MYOM2: variants seen among roughly 807,000 people sequenced by gnomAD.
The protein encoded by MYOM2 is myomesin-2.
In MYOM2, 254 loss-of-function variants were observed where a neutral mutation model predicts 187.6. The observed-to-expected ratio is 1.35, with a 90% CI of 1.22 to 1.50. The LOEUF (loss-of-function observed/expected upper bound fraction) is 1.50. Among genes scored for constraint, MYOM2 ranks in the 40% most tolerant of loss-of-function variants. MYOM2 has a pLI of 0.00. For missense variants in MYOM2, 2,796 were observed against 1,924.0 expected (o/e 1.45, Z -8.48); for synonymous variants, 981 against 753.8 (o/e 1.30, Z -4.94).
intron 8 of MYOM2, among the ~76,000 whole-genome samples, chr8:2,071,551 T>C (rs1482232457): frequency 6.6e-6 from 1 of 152,198 alleles, no homozygotes; most frequent in African/African-American, 2.4e-5. Flanking sequence ...TCCATGTGAC[T>C]TGCCAGAAGC....
At chr8:2,092,284 C>T (rs558891308) in intron 15 of MYOM2, 62 bp from the exon 16 acceptor site, 2 of 1,557,240 alleles carry the variant, frequency 1.3e-6, no homozygotes, top group African/African-American at 2.7e-5. Context: ...GCCGGAAGAT[C>T]TCTGCTGTAG....
chr8:2,112,544 A>T (rs925942281), intron 25 of MYOM2, among the ~76,000 whole-genome samples: 1 of 152,082 alleles, frequency 6.6e-6, no homozygotes, highest in African/African-American at 2.4e-5. Context: ...GAGTGATCTT[A>T]GGAAATAGTG....
intron 31 of MYOM2, chr8:2,127,671 C>T (rs1797700339): frequency 7.1e-6 from 1 of 141,762 alleles, no homozygotes; most frequent in African/African-American, 2.7e-5. Context: ...CGGCGTGACG[C>T]GGTGACGCAG....
At chr8:2,117,853 TTA>T in intron 27 of MYOM2, 30 bp from the exon 28 acceptor site, 2 of 1,563,416 alleles carry the variant, frequency 1.3e-6, no homozygotes, top group Non-Finnish European at 1.7e-6. Context: ...TTTTCCTTTT[TTA>T]TATGTTTTCT....
At chr8:2,085,571 C>CCT (rs1294035231) in intron 14 of MYOM2, among the ~76,000 whole-genome samples, 181 bp downstream of exon 14, 2 of 32,512 alleles carry the variant, frequency 6.2e-5, no homozygotes, top group Non-Finnish European at 1.1e-4. Flanking sequence ...TGCGTGGCCC[C>CCT]ACTGTTGTGA....
In MYOM2 at chr8:2,073,499, A is replaced by C. The variant is rs548306718; in HGVS notation, c.1119A>C (p.Arg373Ser). ...ACCACAGCGCCTTCCTGTTTGTCAG[A>C]GGTGCGGGCAGCAGGGTTCTCAGGG... ...VSDHSAFLFV[R>S]DADPLVTGAP... The change falls in exon 10 of 37, where the codon AGA becomes AGC. Residue 373 changes from arginine (R) to serine (S), a missense_variant and splice_region_variant. By Grantham distance (110) the Arg-to-Ser change is moderately radical. Coordinates refer to ENST00000262113, the MANE Select transcript of MYOM2 (RefSeq NM_003970.4). 41 of 1,599,038 alleles carry C rather than the reference A, an allele frequency of 2.6e-5. No individual in the cohort carries two copies. The East Asian group carries it at 8.7e-4, about 34-fold the overall frequency.
rs796645305 is a variant in MYOM2, at chr8:2,085,611, T to C, written c.1644+221T>C. Among the ~76,000 whole-genome samples, 59 of 6,458 alleles carry C rather than the reference T, an allele frequency of 9.1e-3. 18 individuals are homozygous for C. Among genetic ancestry groups the C allele is most frequent in the Middle Eastern group, 0.1 (1 of 10 alleles). The allele number at this position is 6,458 out of a possible 152,430, so 4.2% of individuals were successfully genotyped here. ...TGCGTGGCCCCACTGTCGTGATCTC[T>C]GCGTGGCCCCCCACAGTCGTGATCT... On this transcript the variant is annotated intron_variant, in intron 14 of 36. Coordinates refer to ENST00000262113, the MANE Select transcript of MYOM2 (RefSeq NM_003970.4).
In MYOM2 at chr8:2,069,234, A is replaced by T. The variant is rs200572211; in HGVS notation, c.654-44A>T. ...TGTGCAATTCGGGTCACTGACTTTTACACAACAGTCCCGCAGACTTTCTCT... is the reference window on the plus strand; with the variant it reads ...TGTGCAATTCGGGTCACTGACTTTTTCACAACAGTCCCGCAGACTTTCTCT... On this transcript the variant is annotated intron_variant, in intron 6 of 36. Transcript: ENST00000262113. 3.8e-6 allele frequency: 6 copies of T among 1,574,270 alleles called. No homozygotes were observed. In the East Asian group the frequency reaches 1.1e-4, roughly 30 times the overall value.
intron 16 of MYOM2, among the ~76,000 whole-genome samples, chr8:2,093,021 C>T (rs995891360): frequency 6.6e-6 from 1 of 152,068 alleles, no homozygotes; most frequent in African/African-American, 2.4e-5. Context: ...GTGACCCTGC[C>T]TTTGGAGAGA....
intron 23 of MYOM2, 85 bp downstream of exon 23, chr8:2,106,682 C>A: frequency 2.9e-6 from 3 of 1,022,838 alleles, no homozygotes; most frequent in Non-Finnish European, 4.1e-6. Flanking sequence ...GACTTACTTG[C>A]TTAGAAAAAA....
chr8:2,112,610 C>T (rs1251555649), intron 25 of MYOM2, among the ~76,000 whole-genome samples: 1 of 152,018 alleles, frequency 6.6e-6, no homozygotes, highest in Non-Finnish European at 1.5e-5. Context: ...GGCAGAAGAA[C>T]TTAGAAACAA....
At chr8:2,123,750 G>C in intron 30 of MYOM2, 108 bp downstream of exon 30, 1 of 934,516 alleles carries the variant, frequency 1.1e-6, no homozygotes, top group Non-Finnish European at 1.7e-6. Context: ...AGCACACATT[G>C]TGTCTTTAGC....
chr8:2,074,915 C>G (rs1339072417), intron 10 of MYOM2, among the ~76,000 whole-genome samples: 9 of 152,354 alleles, frequency 5.9e-5, no homozygotes, highest in African/African-American at 2.2e-4. Context: ...GCTGCTGCTG[C>G]TCTCCGGGTC....
intron 11 of MYOM2, among the ~76,000 whole-genome samples, chr8:2,077,136 C>A (rs1819453611): frequency 6.6e-6 from 1 of 151,958 alleles, no homozygotes. Flanking sequence ...ATGGTGAAAC[C>A]CTGTCTCTAC....
At chr8:2,122,490 T>C (rs1021295538) in intron 28 of MYOM2, among the ~76,000 whole-genome samples, 4 of 152,236 alleles carry the variant, frequency 2.6e-5, no homozygotes, top group African/African-American at 9.6e-5. Flanking sequence ...TTCTAAGCTG[T>C]GTTGCACTGT....
At chr8:2,050,479 G>A (rs930902012) in intron 1 of MYOM2, among the ~76,000 whole-genome samples, 8 of 152,178 alleles carry the variant, frequency 5.3e-5, no homozygotes, top group African/African-American at 1.9e-4. Context: ...AGGGGTTCTA[G>A]GAATACTTGT....
chr8:2,141,905 G>A (rs1351063688), intron 34 of MYOM2, among the ~76,000 whole-genome samples: 2 of 152,146 alleles, frequency 1.3e-5, no homozygotes, highest in East Asian at 3.9e-4. Flanking sequence ...ACAATTCGGG[G>A]TTTTCAAATG....
In MYOM2 at chr8:2,078,657, A is replaced by G. The variant is rs564167121; in HGVS notation, c.1263-77A>G. The G allele has an allele frequency of 2.0e-4, 261 of 1,295,504 alleles. 2 individuals are homozygous for G. In the South Asian group the frequency reaches 3.1e-3, roughly 15 times the overall value. The allele number at this position is 1,295,504 out of a possible 1,614,324, so 80.3% of individuals were successfully genotyped here. The stretch of plus-strand genomic sequence containing the variant: ...GTCCTGTTATAATCAGTGTGTGCAT[A>G]TATGCATATACCTATGTATATTTAG... On this transcript the variant is annotated intron_variant, in intron 11 of 36. Transcript: ENST00000262113.
chr8:2,122,433 C>A (rs1037719796), intron 28 of MYOM2, among the ~76,000 whole-genome samples: 1 of 152,210 alleles, frequency 6.6e-6, no homozygotes, highest in Non-Finnish European at 1.5e-5. Context: ...GAGATTCAGT[C>A]CCAGTGCTGT....
Sources: allele counts gnomAD v4.1 joint callset (sites outside exome capture counted in the v4.1 genomes callset), GRCh38; gene constraint gnomAD v4.1.1; transcripts MANE v1.5; gene names NCBI Gene and HGNC (gene_info 2026-07-23, HGNC 2026-07-21).